Variants in CEBPZ observed in about 807,000 individuals in gnomAD.
CEBPZ encodes the protein CCAAT/enhancer-binding protein zeta.
Under a neutral mutation model 104.5 loss-of-function variants are expected in CEBPZ, and 78 were observed. The ratio of observed to expected loss-of-function variants is 0.75; its 90% confidence interval spans 0.62 to 0.90. CEBPZ has a LOEUF of 0.90. Ranked by LOEUF, CEBPZ falls within the 40% of genes least tolerant of loss-of-function variation. The pLI, the probability that CEBPZ is intolerant of heterozygous loss-of-function variation, is 0.00. For synonymous variants in CEBPZ, 470 were observed against 427.0 expected (o/e 1.10, Z -1.24); for missense variants, 1,439 against 1,233.5 (o/e 1.17, Z -2.50).
chr2:37,224,502 C>T (rs1664839857), intron 2 of CEBPZ, among the ~76,000 whole-genome samples: 1 of 152,058 alleles, frequency 6.6e-6, no homozygotes, highest in Non-Finnish European at 1.5e-5. Context: ...TGGGAAATAT[C>T]ACCCTTTTGG....
At chr2:37,203,078 T>C (rs1677359466) in intron 13 of CEBPZ, 70 bp from the exon 14 acceptor site, 2 of 1,044,922 alleles carry the variant, frequency 1.9e-6, no homozygotes, top group South Asian at 3.5e-5. Flanking sequence ...CAATGCAACA[T>C]GATTTTATTT....
rs750797316 is a variant in CEBPZ, at chr2:37,228,291, T to C, written c.902A>G (p.Asn301Ser). ...CTGGCTGAAAATCCTCAGCTTCCGA[T>C]TGTCTGGCAAAAGGTCTGTGATAAG... ...ELLITDLLPD[N>S]RKLRIFSQRP... Residue 301 changes from asparagine to serine, a missense_variant, in exon 2 of 16, where the codon AAT (asparagine) becomes AGT (serine). By Grantham distance (46) the Asn-to-Ser change is conservative. Coordinates refer to ENST00000234170, the MANE Select transcript of CEBPZ (RefSeq NM_005760.3). The C allele has an allele frequency of 2.5e-6, 4 of 1,614,090 alleles. No homozygotes were observed. The highest frequency in any genetic ancestry group is 2.2e-5 in the East Asian group (1 of 44,900).
rs763878360 is a variant in CEBPZ, at chr2:37,216,462, T to C, written c.2209-44A>G. On this transcript the variant is annotated intron_variant, in intron 6 of 15. Transcript: ENST00000234170. ...ATTTAAAAACTTAATTCAAATTATGTCTATGAATCCAAGTAAGAAAAAGGA... is the reference window on the plus strand; with the variant it reads ...ATTTAAAAACTTAATTCAAATTATGCCTATGAATCCAAGTAAGAAAAAGGA... 2.8e-5 allele frequency: 38 copies of C among 1,338,338 alleles called. No individual in the cohort carries two copies. In the South Asian group the frequency reaches 4.5e-4, roughly 16 times the overall value. The allele number at this position is 1,338,338 out of a possible 1,614,324, so 82.9% of individuals were successfully genotyped here. A position where few individuals can be genotyped will look rare whatever the true frequency, so the allele number is the denominator to read the frequency against.
chr2:37,227,076 C>T (rs1664904578), intron 2 of CEBPZ, among the ~76,000 whole-genome samples: 1 of 152,176 alleles, frequency 6.6e-6, no homozygotes, highest in African/African-American at 2.4e-5. Context: ...AGCATGGCAC[C>T]ATACTGCAGG....
intron 12 of CEBPZ, 80 bp from the exon 13 acceptor site, chr2:37,211,162 C>CT (rs1677709922): frequency 3.2e-6 from 3 of 943,094 alleles, no homozygotes; most frequent in Non-Finnish European, 3.3e-6. Context: ...ATGCTAAAAT[C>CT]TTTATTCTGA....
intron 13 of CEBPZ, among the ~76,000 whole-genome samples, chr2:37,204,899 A>C (rs1333649310): frequency 6.6e-6 from 1 of 152,184 alleles, no homozygotes; most frequent in Non-Finnish European, 1.5e-5. Context: ...TTAACATTAA[A>C]AAATTTTTTT....
chr2:37,220,406 T>TG lies in CEBPZ; in HGVS notation c.2132dup (p.Ser712LysfsTer57). ...TTACCTTTTTGAGTTCCCAAAGACT[T>TG]GTATTTTCAGCTCCACAGAACAGAG... On this transcript the variant is annotated frameshift_variant, in exon 5 of 16. Transcript: ENST00000234170. LOFTEE classifies it high-confidence loss of function. 1.9e-6 allele frequency: 3 copies of TG among 1,590,298 alleles called. No homozygotes were observed. Among genetic ancestry groups the TG allele is most frequent in the Non-Finnish European group, 2.6e-6 (3 of 1,163,820 alleles).
Position 37,228,504 on chromosome 2 carries a change from G to A in CEBPZ, c.689C>T (p.Ala230Val). The A allele has an allele frequency of 1.2e-6, 2 of 1,614,148 alleles. No individual in the cohort carries two copies. The highest frequency in any genetic ancestry group is 1.7e-6 in the Non-Finnish European group (2 of 1,180,018). The change falls in exon 2 of 16, where the codon GCC becomes GTC. Residue 230 changes from alanine (A) to valine (V), a missense_variant. Transcript: ENST00000234170. ...FKSKTNSQKG[A>V]SSTWMKAIVS... ...AATTGCCTTCATCCAGGTAGAAGAG[G>A]CTCCCTTTTGACTATTCGTCTTACT... is the stretch of plus-strand genomic sequence containing the variant.
intron 6 of CEBPZ, 87 bp downstream of exon 6, chr2:37,216,897 A>C: frequency 1.0e-5 from 11 of 1,086,112 alleles, no homozygotes; most frequent in African/African-American, 3.1e-5. Flanking sequence ...TCTCTCTGTT[A>C]GAGAAAACAC....
chr2:37,201,925 T>G (rs749138965), intron 15 of CEBPZ, 22 bp from the exon 16 acceptor site: 6 of 1,610,124 alleles, frequency 3.7e-6, no homozygotes, highest in Admixed American at 3.4e-5. Context: ...GAAGAAAAGA[T>G]GAGTGTACTA....
At chr2:37,221,468 A>T (rs1224786656) in intron 4 of CEBPZ, among the ~76,000 whole-genome samples, 1 of 152,250 alleles carries the variant, frequency 6.6e-6, no homozygotes, top group Non-Finnish European at 1.5e-5. Context: ...TTGGAGCTTT[A>T]GAGTGCTTCA....
chr2:37,217,992 G>A (rs1226991293), intron 5 of CEBPZ, among the ~76,000 whole-genome samples: 1 of 151,714 alleles, frequency 6.6e-6, no homozygotes. Flanking sequence ...ATGCAGCCAG[G>A]CGAGGTGGCT....
Position 37,228,598 on chromosome 2 carries a change from G to C in CEBPZ, c.595C>G (p.Gln199Glu), listed in dbSNP as rs1664950582. 6.2e-7 allele frequency: 1 copy of C among 1,614,148 alleles called. No individual in the cohort carries two copies. Among genetic ancestry groups the C allele is most frequent in the East Asian group, 2.2e-5 (1 of 44,884 alleles). ...GTTTTGTACTTAGATACAACATCCT[G>C]AGGCTGGGGTTTCAAAGAATATTCA... is the stretch of plus-strand genomic sequence containing the variant. ...SNEYSLKPQP[Q>E]DVVSKYKTLA... The change falls in exon 2 of 16, where the codon CAG (glutamine) becomes GAG (glutamate). Residue 199 changes from glutamine to glutamate, a missense_variant. Transcript: ENST00000234170.
At chr2:37,227,143 A>G (rs10206380) in intron 2 of CEBPZ, among the ~76,000 whole-genome samples, 75,319 of 152,022 alleles carry the variant, frequency 0.5, 18,965 homozygotes, top group East Asian at 0.62. Context: ...ACTGTGTGAA[A>G]GACAGCAGGG....
At chr2:37,222,250 T>G in intron 4 of CEBPZ, 130 bp downstream of exon 4, 3 of 755,816 alleles carry the variant, frequency 4.0e-6, no homozygotes, top group South Asian at 2.8e-5. Flanking sequence ...CGCCTCTGCA[T>G]TCCAGCCTGG....
chr2:37,220,098 C>T (rs1254458821), intron 5 of CEBPZ, among the ~76,000 whole-genome samples: 1 of 151,840 alleles, frequency 6.6e-6, no homozygotes, highest in Non-Finnish European at 1.5e-5. Flanking sequence ...GCAGGCGGAT[C>T]ACAAGGTCAG....
intron 5 of CEBPZ, among the ~76,000 whole-genome samples, chr2:37,218,256 G>T (rs1263862570): frequency 6.6e-6 from 1 of 150,726 alleles, no homozygotes; most frequent in Non-Finnish European, 1.5e-5. Context: ...GACAGAGCAA[G>T]ACTCTGCCTC....
rs1340964408 is a variant in CEBPZ at position 37,211,680 on chromosome 2, C to T, written c.2800+163G>A. 6 of 566,498 alleles carry T rather than the reference C, an allele frequency of 1.1e-5. No individual in the cohort carries two copies. The Admixed American group carries it at 1.1e-4, about 10-fold the overall frequency. The allele number at this position is 566,498 out of a possible 1,614,324, so 35.1% of individuals were successfully genotyped here. On this transcript the variant is annotated intron_variant, in intron 12 of 15. Transcript: ENST00000234170. ...ACACACATAACACACAATAAAAACCCTTCAGCTCCAAACGAGAAGGGAAAA... is the reference window on the plus strand; with the variant it reads ...ACACACATAACACACAATAAAAACCTTTCAGCTCCAAACGAGAAGGGAAAA...
chr2:37,218,637 C>T (rs1664694334), intron 5 of CEBPZ, among the ~76,000 whole-genome samples: 1 of 152,166 alleles, frequency 6.6e-6, no homozygotes, highest in Non-Finnish European at 1.5e-5. Context: ...GGCACAGTGG[C>T]TCATGCCTGT....
Sources: allele counts gnomAD v4.1 joint callset (sites outside exome capture counted in the v4.1 genomes callset), GRCh38; gene constraint gnomAD v4.1.1; transcripts MANE v1.5; gene names NCBI Gene and HGNC (gene_info 2026-07-23, HGNC 2026-07-21).